Variants in SUFU observed in about 807,000 individuals in gnomAD.
The protein encoded by SUFU is suppressor of fused homolog.
Under a neutral mutation model 58.9 loss-of-function variants are expected in SUFU, and 7 were observed. The ratio of observed to expected loss-of-function variants is 0.12; its 90% CI spans 0.07 to 0.22. SUFU has a LOEUF of 0.22. SUFU is among the 10% of genes least tolerant of loss of function. The pLI, the probability that SUFU is intolerant of heterozygous loss-of-function variation, is 1.00. For missense variants in SUFU, 451 were observed against 641.3 expected (o/e 0.70, Z 3.20); for synonymous variants, 232 against 254.8 (o/e 0.91, Z 0.85).
At chr10:102,557,154 C>T (rs2062990068) in intron 3 of SUFU, among the ~76,000 whole-genome samples, 1 of 151,532 alleles carries the variant, frequency 6.6e-6, no homozygotes, top group South Asian at 2.1e-4. Flanking sequence ...GAGTTTGAGC[C>T]CAGGAGGTCA....
intron 8 of SUFU, among the ~76,000 whole-genome samples, chr10:102,600,083 C>T (rs2063502787): frequency 6.6e-6 from 1 of 152,144 alleles, no homozygotes; most frequent in Non-Finnish European, 1.5e-5. Context: ...CCAGGGGCCC[C>T]TGTAGCCCTC....
chr10:102,533,106 A>G (rs1013868121), intron 2 of SUFU, among the ~76,000 whole-genome samples: 25 of 152,134 alleles, frequency 1.6e-4, no homozygotes, highest in African/African-American at 5.6e-4. Flanking sequence ...CCAGCTGCAC[A>G]TGGGGAGAGG....
At position 102,522,739 on chromosome 10, in the gene SUFU, T is replaced by G. The variant is rs577551025; in HGVS notation, c.317+13436T>G. Among the ~76,000 whole-genome samples, 4 of 152,278 alleles carry G rather than the reference T, an allele frequency of 2.6e-5. No homozygotes were observed. In the South Asian group the frequency reaches 8.3e-4, roughly 32 times the overall value. On this transcript the variant is annotated intron_variant, in intron 2 of 11. Transcript: ENST00000369902. The stretch of plus-strand genomic sequence containing the variant: ...TTGTGGGTAAGCAGACACACTTAGT[T>G]CCCATCCAGCGTTGATCGCTGTCCT...
intron 2 of SUFU, among the ~76,000 whole-genome samples, chr10:102,539,995 A>G (rs1344045455): frequency 6.6e-6 from 1 of 152,084 alleles, no homozygotes; most frequent in Non-Finnish European, 1.5e-5. Context: ...TAATGCTCAG[A>G]TTGTTGTTGA....
chr10:102,513,057 G>A (rs1463741907), intron 2 of SUFU, among the ~76,000 whole-genome samples: 1 of 152,032 alleles, frequency 6.6e-6, no homozygotes, highest in African/African-American at 2.4e-5. Flanking sequence ...AACAGAGCGA[G>A]ACCCTATCTC....
chr10:102,514,550 G>A (rs1230705412), intron 2 of SUFU, among the ~76,000 whole-genome samples: 2 of 152,216 alleles, frequency 1.3e-5, no homozygotes. Context: ...AGAGAACAGA[G>A]TGCTTTTCTA....
At chr10:102,511,930 T>G (rs2062405005) in intron 2 of SUFU, among the ~76,000 whole-genome samples, 1 of 152,212 alleles carries the variant, frequency 6.6e-6, no homozygotes, top group African/African-American at 2.4e-5. Context: ...CAGGCTGGTC[T>G]CAGATGCCTG....
At position 102,582,802 on chromosome 10, in the gene SUFU, G is replaced by C. The variant is rs988955606; in HGVS notation, c.455-9780G>C. 3.3e-5 allele frequency among the ~76,000 whole-genome samples: 5 copies of C among 152,286 alleles called. No individual in the cohort carries two copies. In the Middle Eastern group the frequency reaches 0.01, roughly 311 times the overall value. The stretch of plus-strand genomic sequence containing the variant: ...CTGGTACCTGGGGGCAAAGCTCCAA[G>C]GAGGGAAGGGAATAGAAAGTGTCTA... On this transcript the variant is annotated intron_variant, in intron 3 of 11. Transcript: ENST00000369902.
intron 8 of SUFU, among the ~76,000 whole-genome samples, chr10:102,613,997 ACT>A (rs2063654500): frequency 1.3e-5 from 2 of 152,128 alleles, no homozygotes; most frequent in South Asian, 4.1e-4. Flanking sequence ...CACTGGTCTG[ACT>A]CGTAAGAGCC....
intron 8 of SUFU, among the ~76,000 whole-genome samples, chr10:102,605,596 T>C (rs1440826852): frequency 2.0e-5 from 3 of 152,224 alleles, no homozygotes; most frequent in Non-Finnish European, 2.9e-5. Flanking sequence ...TAAGAAAATT[T>C]GTCAGAATAA....
chr10:102,603,302 C>G (rs1043095305), intron 8 of SUFU, among the ~76,000 whole-genome samples: 1 of 152,148 alleles, frequency 6.6e-6, no homozygotes, highest in East Asian at 1.9e-4. Context: ...GCTGGGACTA[C>G]AGGCATGAGC....
chr10:102,593,582 T>C, intron 4 of SUFU, 54 bp from the exon 5 acceptor site: 1 of 1,586,438 alleles, frequency 6.3e-7, no homozygotes, highest in South Asian at 1.1e-5. Context: ...GCTGACCTTC[T>C]TGGGGTGGGG....
At chr10:102,586,624 G>T (rs2135848003) in intron 3 of SUFU, among the ~76,000 whole-genome samples, 1 of 152,294 alleles carries the variant, frequency 6.6e-6, no homozygotes, top group Non-Finnish European at 1.5e-5. Flanking sequence ...AGTGAGCCGA[G>T]ATCACGCCAC....
chr10:102,615,221 T>TGAGCTTTTCACCTTGTGCCG, intron 8 of SUFU, 47 bp from the exon 9 acceptor site: 1 of 1,613,744 alleles, frequency 6.2e-7, no homozygotes, highest in South Asian at 1.1e-5. Context: ...TGCTCCTCCC[T>TGAGCTTTTCACCTTGTGCCG]GAGCTTTTCA....
At chr10:102,591,834 T>C (rs923220550) in intron 3 of SUFU, among the ~76,000 whole-genome samples, 3 of 152,146 alleles carry the variant, frequency 2.0e-5, no homozygotes, top group Admixed American at 6.5e-5. Context: ...TTATGTGGCC[T>C]TAAACAAAAC....
intron 2 of SUFU, among the ~76,000 whole-genome samples, chr10:102,541,992 C>T (rs1313375674): frequency 4.0e-5 from 6 of 149,506 alleles, no homozygotes; most frequent in African/African-American, 1.5e-4. Context: ...TCAAGCAGTT[C>T]TCCTGCCTCA....
chr10:102,579,713 T>G (rs2063252867), intron 3 of SUFU: 1 of 409,742 alleles, frequency 2.4e-6, no homozygotes. Flanking sequence ...CAAGTGGGAC[T>G]GCGTATTCAT....
chr10:102,580,027 G>GCCCCCC (rs1378925159), intron 3 of SUFU, among the ~76,000 whole-genome samples: 66 of 41,896 alleles, frequency 1.6e-3, no homozygotes, highest in Non-Finnish European at 2.0e-3. Context: ...CTCCTCCCCC[G>GCCCCCC]CACCCCCCCC....
chr10:102,558,641 T>G (rs765521922), intron 3 of SUFU, among the ~76,000 whole-genome samples: 4 of 152,320 alleles, frequency 2.6e-5, no homozygotes, highest in Non-Finnish European at 5.9e-5. Context: ...TTGAAAGTCT[T>G]CCCTCTGCTC....
Sources: allele counts gnomAD v4.1 joint callset (sites outside exome capture counted in the v4.1 genomes callset), GRCh38; gene constraint gnomAD v4.1.1; transcripts MANE v1.5; gene names NCBI Gene and HGNC (gene_info 2026-07-23, HGNC 2026-07-21).